Variants in TRAF3 observed in about 807,000 individuals in gnomAD.
TRAF3 encodes TNF receptor associated factor 3, also known as TNF receptor-associated factor 3.
A neutral mutation model predicts 62.3 loss-of-function variants in TRAF3; 13 were observed. The ratio of observed to expected loss-of-function variants is 0.21; its 90% CI spans 0.14 to 0.33. TRAF3 has a LOEUF of 0.33. Ranked by LOEUF, TRAF3 falls within the 10% of genes least tolerant of loss-of-function variation. TRAF3 has a pLI of 1.00. For missense variants in TRAF3, 440 were observed against 741.8 expected (o/e 0.59, Z 4.73); for synonymous variants, 269 against 283.4 (o/e 0.95, Z 0.51).
At chr14:102,898,837 G>C (rs1259856367) in intron 10 of TRAF3, among the ~76,000 whole-genome samples, 1 of 152,180 alleles carries the variant, frequency 6.6e-6, no homozygotes, top group Non-Finnish European at 1.5e-5. Context: ...GAAAACTTTT[G>C]TGATTGGATG....
At chr14:102,797,906 T>C (rs934877012) in intron 1 of TRAF3, among the ~76,000 whole-genome samples, 1 of 151,938 alleles carries the variant, frequency 6.6e-6, no homozygotes, top group Non-Finnish European at 1.5e-5. Flanking sequence ...CCTGGCTAAG[T>C]TTGTATTTTT....
chr14:102,873,315 C>CT (rs1888450536), intron 4 of TRAF3, among the ~76,000 whole-genome samples: 1 of 152,210 alleles, frequency 6.6e-6, no homozygotes, highest in Non-Finnish European at 1.5e-5. Context: ...CCTGCTGCTG[C>CT]TGCAGGCTTG....
chr14:102,787,614 G>C (rs1211257706), intron 1 of TRAF3, among the ~76,000 whole-genome samples: 2 of 152,156 alleles, frequency 1.3e-5, no homozygotes, highest in East Asian at 3.9e-4. Context: ...TTGAATTCGG[G>C]AGGTGGAGGT....
chr14:102,901,422 C>T (rs955357460), intron 10 of TRAF3, among the ~76,000 whole-genome samples: 4 of 152,208 alleles, frequency 2.6e-5, no homozygotes, highest in African/African-American at 9.6e-5. Flanking sequence ...CCCTGCCACT[C>T]GCGAGCACCC....
intron 2 of TRAF3, among the ~76,000 whole-genome samples, chr14:102,846,108 G>T (rs1369313784): frequency 6.6e-6 from 1 of 151,950 alleles, no homozygotes; most frequent in Non-Finnish European, 1.5e-5. Flanking sequence ...CTTCTGATGG[G>T]AGTGCACATT....
In TRAF3 at chr14:102,907,084, T is replaced by A. The variant is rs1029067894; in HGVS notation, c.*1300T>A. On this transcript the variant is annotated 3_prime_UTR_variant, in exon 12 of 12. Transcript: ENST00000392745. ...CACCGTCGGCTTCTGGAGCCTCCGC[T>A]GCTTAATTACCACAGATTCCAAATC... is the stretch of plus-strand genomic sequence containing the variant. The A allele has an allele frequency of 6.6e-6, 1 of 152,250 alleles. No individual in the cohort carries two copies. The highest frequency in any genetic ancestry group is 2.4e-5 in the African/African-American group (1 of 41,474). The allele number at this position is 152,250 out of a possible 1,614,324, so 9.4% of individuals were successfully genotyped here. A position where few individuals can be genotyped will look rare whatever the true frequency, so the allele number is the denominator to read the frequency against.
intron 2 of TRAF3, among the ~76,000 whole-genome samples, chr14:102,835,052 A>G (rs904006727): frequency 8.5e-5 from 13 of 152,330 alleles, no homozygotes; most frequent in South Asian, 8.3e-4. Flanking sequence ...AAACTTAAGA[A>G]CTACAAGAAA....
chr14:102,825,286 A>G (rs1900233415), intron 1 of TRAF3, among the ~76,000 whole-genome samples: 1 of 152,144 alleles, frequency 6.6e-6, no homozygotes, highest in African/African-American at 2.4e-5. Context: ...TCAACTGTAA[A>G]CTGGAGACAG....
At chr14:102,828,697 A>G (rs542204650) in intron 1 of TRAF3, among the ~76,000 whole-genome samples, 140 of 152,366 alleles carry the variant, frequency 9.2e-4, no homozygotes, top group Non-Finnish European at 1.8e-3. Flanking sequence ...TTTTGAACCT[A>G]AGAAATAAAA....
At chr14:102,785,324 AT>A (rs1191021069) in intron 1 of TRAF3, among the ~76,000 whole-genome samples, 1 of 152,108 alleles carries the variant, frequency 6.6e-6, no homozygotes, top group Non-Finnish European at 1.5e-5. Flanking sequence ...CCTTTGACAC[AT>A]TTGGATGGGA....
intron 1 of TRAF3, among the ~76,000 whole-genome samples, chr14:102,803,273 T>G (rs1380301114): frequency 6.6e-6 from 1 of 152,182 alleles, no homozygotes; most frequent in Admixed American, 6.5e-5. Context: ...AGTTACAGTC[T>G]TGGAATGTCA....
intron 2 of TRAF3, among the ~76,000 whole-genome samples, chr14:102,863,111 C>T (rs1004324948): frequency 2.6e-5 from 4 of 152,112 alleles, no homozygotes; most frequent in African/African-American, 9.7e-5. Context: ...GCCTGGGCTT[C>T]CTCTTAAACA....
rs182121375 is a variant in TRAF3, at chr14:102,851,520, G to A, written c.-17-18665G>A. Among the ~76,000 whole-genome samples, 869 of 152,236 alleles carry A rather than the reference G, an allele frequency of 5.7e-3. 9 individuals are homozygous for A. Among genetic ancestry groups the A allele is most frequent in the Admixed American group, 9.9e-3 (151 of 15,282 alleles). On this transcript the variant is annotated intron_variant, in intron 2 of 11. Coordinates refer to ENST00000392745, the MANE Select transcript of TRAF3 (RefSeq NM_145725.3). Reference sequence around the variant, plus strand: ...AGCACTTTGGGAGGCCGAGGTGGGCGGATCACGAGGTCAGGAGATTGAGAC... The same window carrying A: ...AGCACTTTGGGAGGCCGAGGTGGGCAGATCACGAGGTCAGGAGATTGAGAC...
chr14:102,806,618 A>G (rs1384038673), intron 1 of TRAF3, among the ~76,000 whole-genome samples: 1 of 152,100 alleles, frequency 6.6e-6, no homozygotes, highest in African/African-American at 2.4e-5. Flanking sequence ...CCTCCTGTGT[A>G]CCAGGGCATG....
At chr14:102,778,209 G>T (rs1897112036) in intron 1 of TRAF3, among the ~76,000 whole-genome samples, 1 of 151,480 alleles carries the variant, frequency 6.6e-6, no homozygotes, top group South Asian at 2.1e-4. Context: ...GGTATGGGCA[G>T]AGGGCGCGAA....
At chr14:102,851,970 G>T (rs1176555408) in intron 2 of TRAF3, among the ~76,000 whole-genome samples, 1 of 151,746 alleles carries the variant, frequency 6.6e-6, no homozygotes, top group Non-Finnish European at 1.5e-5. Context: ...CAGGAGGATC[G>T]CTTCAGCCTG....
intron 9 of TRAF3, among the ~76,000 whole-genome samples, chr14:102,892,162 A>G (rs530468386): frequency 6.6e-6 from 1 of 150,846 alleles, no homozygotes; most frequent in African/African-American, 2.4e-5. Flanking sequence ...GGTTCAAGCA[A>G]TTCTCCTGCC....
At chr14:102,872,731 G>A (rs886191248) in intron 4 of TRAF3, among the ~76,000 whole-genome samples, 2 of 148,084 alleles carry the variant, frequency 1.4e-5, no homozygotes. Flanking sequence ...CACTCTTGTT[G>A]CACAGGCTGG....
At chr14:102,808,866 A>G (rs1479224768) in intron 1 of TRAF3, 1 of 151,986 alleles carries the variant, frequency 6.6e-6, no homozygotes, top group Non-Finnish European at 1.5e-5. Context: ...CCCAGGCTGC[A>G]GTGCAGTGGC....
Sources: gnomAD v4.1 joint callset for allele counts (sites outside exome capture counted in the v4.1 genomes callset) on GRCh38, gnomAD v4.1.1 for gene constraint, MANE v1.5 for transcripts, NCBI Gene and HGNC (gene_info 2026-07-23, HGNC 2026-07-21) for gene names.